FREM2: variants seen among roughly 807,000 people sequenced by gnomAD.
The protein encoded by FREM2 is FRAS1 related extracellular matrix 2.
In FREM2, 119 loss-of-function variants were observed where a neutral mutation model predicts 219.9. The observed-to-expected ratio is 0.54, with a 90% confidence interval of 0.47 to 0.63. The LOEUF is 0.63. FREM2 is among the 30% of genes least tolerant of loss of function. The probability of loss-of-function intolerance (pLI) is 0.00; values close to 1 mark genes in which losing one functional copy is unlikely to be tolerated. For synonymous variants in FREM2, 1,562 were observed against 1,522.8 expected (o/e 1.03, Z -0.60); for missense variants, 4,030 against 3,993.6 (o/e 1.01, Z -0.25).
chr13:38,851,534 A>G, intron 10 of FREM2, 152 bp from the exon 11 acceptor site: 2 of 684,436 alleles, frequency 2.9e-6, no homozygotes, highest in South Asian at 1.8e-5. Context: ...TTTTCCTTCC[A>G]CACACGTCAC....
chr13:38,848,849 T>C (rs1877265284), intron 8 of FREM2, among the ~76,000 whole-genome samples, 179 bp downstream of exon 8: 1 of 152,184 alleles, frequency 6.6e-6, no homozygotes, highest in African/African-American at 2.4e-5. Context: ...AGCTGTTGGC[T>C]GGAAGTCCAA....
At chr13:38,764,599 G>T in intron 3 of FREM2, 149 bp downstream of exon 3, 1 of 592,692 alleles carries the variant, frequency 1.7e-6, no homozygotes. Context: ...CAAGCAACAG[G>T]TTTGTGTCAA....
At chr13:38,735,194 T>A (rs1416739034) in intron 2 of FREM2, among the ~76,000 whole-genome samples, 5 of 152,228 alleles carry the variant, frequency 3.3e-5, no homozygotes, top group African/African-American at 1.2e-4. Flanking sequence ...ACTGTCCCTT[T>A]TATGAAGAAT....
intron 6 of FREM2, among the ~76,000 whole-genome samples, chr13:38,800,620 G>A (rs574270270): frequency 4.3e-4 from 65 of 152,100 alleles, no homozygotes; most frequent in African/African-American, 1.3e-3. Context: ...GGAAATTTTC[G>A]TCTGTTATTC....
chr13:38,730,759 G>C (rs888699980), intron 2 of FREM2, among the ~76,000 whole-genome samples: 1 of 152,062 alleles, frequency 6.6e-6, no homozygotes, highest in Non-Finnish European at 1.5e-5. Context: ...AAGACTCATT[G>C]CCTTCATTTT....
chr13:38,707,135 G>A (rs991617602), intron 2 of FREM2, among the ~76,000 whole-genome samples: 7 of 152,076 alleles, frequency 4.6e-5, no homozygotes, highest in African/African-American at 7.2e-5. Context: ...ATTGCCAAGT[G>A]GCTGCATATA....
At chr13:38,723,944 C>T (rs527710892) in intron 2 of FREM2, among the ~76,000 whole-genome samples, 33 of 152,260 alleles carry the variant, frequency 2.2e-4, no homozygotes, top group Middle Eastern at 6.8e-3. Context: ...AAGTAGCAGA[C>T]GAAGGATGCA....
At chr13:38,877,095 G>T (rs1331798140) in intron 20 of FREM2, 22 bp from the exon 21 acceptor site, 1 of 1,613,868 alleles carries the variant, frequency 6.2e-7, no homozygotes, top group Non-Finnish European at 8.5e-7. Context: ...ATGCATAAAA[G>T]AACTTTTACC....
At chr13:38,848,803 C>T (rs112878389) in intron 8 of FREM2, 133 bp downstream of exon 8, 21 of 813,764 alleles carry the variant, frequency 2.6e-5, no homozygotes, top group East Asian at 5.4e-5. Context: ...GTAGCACTGT[C>T]GGGGTGGCTT....
intron 4 of FREM2, among the ~76,000 whole-genome samples, chr13:38,775,810 G>A (rs190577551): frequency 1.7e-4 from 26 of 152,146 alleles, no homozygotes; most frequent in Admixed American, 3.9e-4. Flanking sequence ...GTAGAAACGG[G>A]GTTTCACCAT....
At chr13:38,821,622 C>T (rs1476766862) in intron 6 of FREM2, 1 of 151,944 alleles carries the variant, frequency 6.6e-6, no homozygotes, top group African/African-American at 2.4e-5. Context: ...TTTGAATTCA[C>T]ACATTTATTC....
chr13:38,857,727 C>A (rs1269189497), intron 12 of FREM2, 148 bp from the exon 13 acceptor site: 5 of 695,120 alleles, frequency 7.2e-6, no homozygotes, highest in Non-Finnish European at 1.3e-5. Context: ...CCACTTAGGG[C>A]CTGTTGCTCT....
rs772085604 is a variant in FREM2, at chr13:38,688,067, A to G, written c.723A>G (p.Gly241=). 2 of 1,608,998 alleles carry G rather than the reference A, an allele frequency of 1.2e-6. No individual in the cohort carries two copies. The highest frequency in any genetic ancestry group is 1.7e-6 in the Non-Finnish European group (2 of 1,176,098). The change falls in exon 1 of 24, where the codon GGA becomes GGG. Residue 241 remains glycine, a synonymous_variant. Transcript: ENST00000280481. ...GELLHYPQVP[G]GAREGGAPET... ...TCCTCCACTACCCGCAGGTCCCTGG[A>G]GGAGCCAGAGAGGGAGGCGCCCCGG... is the stretch of plus-strand genomic sequence containing the variant.
At chr13:38,698,781 G>A (rs761054658) in intron 2 of FREM2, among the ~76,000 whole-genome samples, 11 of 152,072 alleles carry the variant, frequency 7.2e-5, no homozygotes, top group Non-Finnish European at 1.2e-4. Flanking sequence ...GCATTACATA[G>A]TATTTGTTTA....
rs1236787288 is a variant in FREM2 at position 38,712,581 on chromosome 13, T to C, written c.5263+14794T>C. On this transcript the variant is annotated intron_variant, in intron 2 of 23. Transcript: ENST00000280481. Reference sequence around the variant, plus strand: ...TCAGTTGCCCTAAGGCAGGCAGATATACATACACATTTTCTTTCTTTCTTT... The same window carrying C: ...TCAGTTGCCCTAAGGCAGGCAGATACACATACACATTTTCTTTCTTTCTTT... 2.6e-5 allele frequency among the ~76,000 whole-genome samples: 4 copies of C among 152,056 alleles called. No homozygotes were observed. In the South Asian group the frequency reaches 6.2e-4, roughly 24 times the overall value.
At chr13:38,716,514 C>T (rs1822891559) in intron 2 of FREM2, among the ~76,000 whole-genome samples, 1 of 152,014 alleles carries the variant, frequency 6.6e-6, no homozygotes, top group South Asian at 2.1e-4. Flanking sequence ...TCTGTTCTTT[C>T]CTTTTTTTTT....
chr13:38,882,078 A>C lies in FREM2; in HGVS notation c.*1291A>C, dbSNP rs1306379716. On this transcript the variant is annotated 3_prime_UTR_variant, in exon 24 of 24. Transcript: ENST00000280481. ...AATATTTAAAAATATAATTTGTAAC[A>C]GTGCTTACCATTCACCTCCCAAAGC... 6.6e-6 allele frequency: 1 copy of C among 152,170 alleles called. No individual in the cohort carries two copies. Among genetic ancestry groups the C allele is most frequent in the African/African-American group, 2.4e-5 (1 of 41,438 alleles). The allele number at this position is 152,170 out of a possible 1,614,324, so 9.4% of individuals were successfully genotyped here.
chr13:38,739,621 A>G lies in FREM2; in HGVS notation c.5264-24683A>G, dbSNP rs1257898401. On this transcript the variant is annotated intron_variant, in intron 2 of 23. Coordinates refer to ENST00000280481, the MANE Select transcript of FREM2 (RefSeq NM_207361.6). Reference sequence around the variant, plus strand: ...AACCAAACTCCCAAATTTTCCAGGAAGTCTCCTCTCAACTCTTCCTTTTTC... The same window carrying G: ...AACCAAACTCCCAAATTTTCCAGGAGGTCTCCTCTCAACTCTTCCTTTTTC... 3.3e-5 allele frequency among the ~76,000 whole-genome samples: 5 copies of G among 152,136 alleles called. No individual in the cohort carries two copies. The East Asian group carries it at 9.6e-4, about 29-fold the overall frequency.
At chr13:38,821,438 T>C (rs1876049638) in intron 6 of FREM2, among the ~76,000 whole-genome samples, 2 of 152,078 alleles carry the variant, frequency 1.3e-5, no homozygotes. Flanking sequence ...TTTAAACATA[T>C]AGCTAAAACT....
Sources: allele counts gnomAD v4.1 joint callset (sites outside exome capture counted in the v4.1 genomes callset), GRCh38; gene constraint gnomAD v4.1.1; transcripts MANE v1.5; gene names NCBI Gene and HGNC (gene_info 2026-07-23, HGNC 2026-07-21).